KATNIP: variants seen among roughly 807,000 people sequenced by gnomAD.
The protein encoded by KATNIP is katanin-interacting protein.
KATNIP carries 126 observed loss-of-function variants against 174.0 expected under a neutral mutation model. That is an observed-to-expected ratio of 0.72 (90% CI 0.63 to 0.84). KATNIP has a LOEUF of 0.84. Ranked by LOEUF, KATNIP falls within the 40% of genes least tolerant of loss-of-function variation. The pLI, the probability that KATNIP is intolerant of heterozygous loss-of-function variation, is 0.00. For missense variants in KATNIP, 1,958 were observed against 2,109.7 expected (o/e 0.93, Z 1.41); for synonymous variants, 810 against 835.7 (o/e 0.97, Z 0.53).
At chr16:27,597,042 T>C (rs1395362820) in intron 2 of KATNIP, among the ~76,000 whole-genome samples, 1 of 151,204 alleles carries the variant, frequency 6.6e-6, no homozygotes, top group Non-Finnish European at 1.5e-5. Context: ...TAAATAAAAA[T>C]AATTAGCTGG....
At chr16:27,664,113 C>T (rs1368463335) in intron 6 of KATNIP, among the ~76,000 whole-genome samples, 1 of 152,170 alleles carries the variant, frequency 6.6e-6, no homozygotes, top group African/African-American at 2.4e-5. Context: ...TGCCCAGCCT[C>T]TCTTCTTTAT....
chr16:27,756,574 A>G (rs566575424), intron 18 of KATNIP, among the ~76,000 whole-genome samples: 16 of 152,364 alleles, frequency 1.1e-4, no homozygotes, highest in African/African-American at 3.6e-4. Flanking sequence ...TAGGGTTGCC[A>G]CTGGGAGAGC....
At chr16:27,591,565 C>A (rs1166556469) in intron 2 of KATNIP, among the ~76,000 whole-genome samples, 2 of 152,118 alleles carry the variant, frequency 1.3e-5, no homozygotes, top group Non-Finnish European at 2.9e-5. Context: ...CCTCTCTAAG[C>A]CTTAGCATTC....
chr16:27,652,725 A>G (rs536918826), intron 6 of KATNIP, among the ~76,000 whole-genome samples: 8 of 152,084 alleles, frequency 5.3e-5, no homozygotes, highest in Admixed American at 4.6e-4. Context: ...AGGCAGGAGA[A>G]TCACTTGAAC....
In KATNIP at chr16:27,666,231, T is replaced by C. The variant is rs532245134; in HGVS notation, c.541-11498T>C. ...TTCTCCAGTGATGCACTTTAGAGGC[T>C]GAACTCCAGGGTACTTTATAAATAC... On this transcript the variant is annotated intron_variant, in intron 6 of 27. Coordinates refer to ENST00000261588, the MANE Select transcript of KATNIP (RefSeq NM_015202.5). Among the ~76,000 whole-genome samples the C allele has an allele frequency of 4.6e-5, 7 of 152,344 alleles. No homozygotes were observed. The East Asian group carries it at 1.2e-3, about 25-fold the overall frequency.
At chr16:27,633,303 G>T (rs2076543781) in intron 5 of KATNIP, among the ~76,000 whole-genome samples, 1 of 151,770 alleles carries the variant, frequency 6.6e-6, no homozygotes, top group Non-Finnish European at 1.5e-5. Flanking sequence ...AGATGCTCAG[G>T]CCCCACCCCC....
chr16:27,708,543 A>G (rs535933695), intron 12 of KATNIP, 162 bp from the exon 13 acceptor site: 37 of 579,902 alleles, frequency 6.4e-5, no homozygotes, highest in Non-Finnish European at 1.0e-4. Flanking sequence ...AATCATTGTA[A>G]TAACCATAGG....
In KATNIP at chr16:27,587,304, C is replaced by T. The variant is rs144959631; in HGVS notation, c.63+13348C>T. ...TCCCTCTGTCAGATCCTGTCCACAC[C>T]GTGTTCCATCAGCTGGAGTAGCTGG... On this transcript the variant is annotated intron_variant, in intron 2 of 27. Transcript: ENST00000261588. Among the ~76,000 whole-genome samples, 1,159 of 152,276 alleles carry T rather than the reference C, an allele frequency of 7.6e-3. 9 individuals carry two copies. The highest frequency in any genetic ancestry group is 0.011 in the Non-Finnish European group (739 of 68,028).
chr16:27,569,278 T>A (rs2090201961), intron 1 of KATNIP, among the ~76,000 whole-genome samples: 1 of 152,220 alleles, frequency 6.6e-6, no homozygotes, highest in Non-Finnish European at 1.5e-5. Flanking sequence ...ATTATCTTCA[T>A]CTAGAGCAAA....
At chr16:27,623,330 C>G (rs2076246965) in intron 3 of KATNIP, among the ~76,000 whole-genome samples, 1 of 152,218 alleles carries the variant, frequency 6.6e-6, no homozygotes, top group South Asian at 2.1e-4. Context: ...CCAACAGAAC[C>G]TCAGTCCCAG....
At position 27,694,526 on chromosome 16, in the gene KATNIP, T is replaced by G. The variant is rs372326154; in HGVS notation, c.941-3802T>G. On this transcript the variant is annotated intron_variant, in intron 8 of 27. Coordinates refer to ENST00000261588, the MANE Select transcript of KATNIP (RefSeq NM_015202.5). ...ATTTACATCTCCAGGCCAGGCACGG[T>G]GGCTCATGCCTGTAATCCCAGCACT... Among the ~76,000 whole-genome samples, 89 of 152,266 alleles carry G rather than the reference T, an allele frequency of 5.8e-4. 2 individuals carry two copies. The South Asian group carries it at 0.018, about 30-fold the overall frequency.
intron 3 of KATNIP, among the ~76,000 whole-genome samples, chr16:27,625,408 C>T (rs1308087961): frequency 2.0e-5 from 3 of 152,230 alleles, no homozygotes; most frequent in Admixed American, 6.5e-5. Context: ...CCACTCTGCC[C>T]CGCCACAGGC....
intron 2 of KATNIP, among the ~76,000 whole-genome samples, chr16:27,580,333 GA>G (rs2090650046): frequency 6.6e-6 from 1 of 152,086 alleles, no homozygotes; most frequent in Non-Finnish European, 1.5e-5. Context: ...GGTTGATCTT[GA>G]ACTCCTAGGC....
chr16:27,675,693 G>A (rs114440668), intron 6 of KATNIP, among the ~76,000 whole-genome samples: 335 of 152,192 alleles, frequency 2.2e-3, no homozygotes, highest in African/African-American at 7.4e-3. Flanking sequence ...ACAACCTTTC[G>A]TTTTGTTCTT....
At chr16:27,599,838 C>T (rs975196699) in intron 2 of KATNIP, among the ~76,000 whole-genome samples, 2 of 152,212 alleles carry the variant, frequency 1.3e-5, no homozygotes, top group African/African-American at 4.8e-5. Context: ...GCCTCAGTCC[C>T]GTGTCAGTCT....
chr16:27,637,753 G>A lies in KATNIP; in HGVS notation c.408+6591G>A, dbSNP rs1394111275. On this transcript the variant is annotated intron_variant, in intron 5 of 27. Transcript: ENST00000261588. The surrounding 1 kb of genome is among the most constrained non-coding windows in gnomAD (Gnocchi z 4.7). ...GGAAGAACCGGCCATGCAGGGCCTA[G>A]AAGACCACAGGAGGAAGTTTGGATT... 6.6e-6 allele frequency among the ~76,000 whole-genome samples: 1 copy of A among 152,202 alleles called. No homozygotes were observed. Among genetic ancestry groups the A allele is most frequent in the Non-Finnish European group, 1.5e-5 (1 of 68,030 alleles).
At chr16:27,566,504 C>G (rs563186924) in intron 1 of KATNIP, among the ~76,000 whole-genome samples, 71 of 151,618 alleles carry the variant, frequency 4.7e-4, no homozygotes, top group African/African-American at 1.6e-3. Context: ...CCACTGCACT[C>G]CAGCCCCAGG....
intron 2 of KATNIP, among the ~76,000 whole-genome samples, chr16:27,618,091 A>G (rs1399833640): frequency 6.6e-6 from 1 of 152,174 alleles, no homozygotes; most frequent in African/African-American, 2.4e-5. Context: ...GACAATTGAG[A>G]TAACTAAATA....
intron 23 of KATNIP, among the ~76,000 whole-genome samples, chr16:27,774,091 C>A (rs567751334): frequency 6.6e-6 from 1 of 152,118 alleles, no homozygotes; most frequent in Non-Finnish European, 1.5e-5. Flanking sequence ...CTGGCCCCCT[C>A]GGATCTTGAA....
Sources: gnomAD v4.1 joint callset for allele counts (sites outside exome capture counted in the v4.1 genomes callset) on GRCh38, gnomAD v4.1.1 for gene constraint, Gnocchi (gnomAD v3.1) non-coding constraint, MANE v1.5 for transcripts, NCBI Gene and HGNC (gene_info 2026-07-23, HGNC 2026-07-21) for gene names.